Variants in IGSF21 observed in about 807,000 individuals in gnomAD.
IGSF21 encodes the protein immunoglobin superfamily member 21.
IGSF21 carries 28 observed loss-of-function variants against 46.8 expected under a neutral mutation model. The observed-to-expected ratio is 0.60, with a 90% confidence interval of 0.44 to 0.82. The LOEUF is 0.82. Among genes scored for constraint, IGSF21 ranks in the 40% least tolerant of loss-of-function variants. The pLI, the probability that IGSF21 is intolerant of heterozygous loss-of-function variation, is 0.00. For synonymous variants in IGSF21, 284 were observed against 273.6 expected (o/e 1.04, Z -0.38); for missense variants, 624 against 665.5 (o/e 0.94, Z 0.69).
At chr1:18,247,447 G>A (rs140497510) in intron 2 of IGSF21, among the ~76,000 whole-genome samples, 121 of 152,182 alleles carry the variant, frequency 8.0e-4, no homozygotes, top group African/African-American at 2.9e-3. Flanking sequence ...GCCATCCTTT[G>A]AGTGTGAGCT....
At chr1:18,275,770 C>T (rs534048738) in intron 2 of IGSF21, among the ~76,000 whole-genome samples, 123 of 152,086 alleles carry the variant, frequency 8.1e-4, no homozygotes, top group Non-Finnish European at 1.3e-3. Context: ...GATGGAAATG[C>T]GGCCAAAGTC....
intron 3 of IGSF21, among the ~76,000 whole-genome samples, chr1:18,316,788 C>T (rs556561833): frequency 6.6e-6 from 1 of 152,312 alleles, no homozygotes; most frequent in South Asian, 2.1e-4. Context: ...TCATAGGCAG[C>T]ACAGGGTTGC....
At chr1:18,262,484 G>A (rs989329019) in intron 2 of IGSF21, among the ~76,000 whole-genome samples, 7 of 152,124 alleles carry the variant, frequency 4.6e-5, no homozygotes, top group Non-Finnish European at 1.0e-4. Flanking sequence ...TTTCCTCATT[G>A]AAAAAATGGG....
intron 1 of IGSF21, among the ~76,000 whole-genome samples, chr1:18,160,219 C>T (rs1180942348): frequency 6.6e-6 from 1 of 152,342 alleles, no homozygotes. Flanking sequence ...AAAAGCCTCA[C>T]TGGTCTCACT....
In IGSF21 at chr1:18,334,934, C is replaced by T. The variant is rs891359724; in HGVS notation, c.348C>T (p.Cys116=). 3 of 1,614,174 alleles carry T rather than the reference C, an allele frequency of 1.9e-6. No individual in the cohort carries two copies. Among genetic ancestry groups the T allele is most frequent in the Admixed American group, 1.7e-5 (1 of 60,030 alleles). Residue 116 remains cysteine (C), a synonymous_variant, in exon 4 of 10, where the codon TGC becomes TGT. Transcript: ENST00000251296. The surrounding 1 kb of genome is among the most constrained non-coding windows in gnomAD (Gnocchi z 4.3). ...TCTCAGACAATGGTCCCTATGAGTG[C>T]CATGTGGGCATCTACGACCGCGCCA... The part of the protein sequence containing the change: ...VRISDNGPYE[C]HVGIYDRATR...
intron 1 of IGSF21, among the ~76,000 whole-genome samples, chr1:18,132,260 A>C (rs1308638752): frequency 1.3e-5 from 2 of 152,066 alleles, no homozygotes; most frequent in African/African-American, 4.8e-5. Flanking sequence ...GACCTATGAC[A>C]AACACACTGA....
At chr1:18,112,762 C>T (rs2086154659) in intron 1 of IGSF21, 1 of 152,252 alleles carries the variant, frequency 6.6e-6, no homozygotes, top group African/African-American at 2.4e-5. Context: ...TGTTCATCTG[C>T]ACAGATGGGA....
intron 3 of IGSF21, among the ~76,000 whole-genome samples, chr1:18,312,273 T>A (rs143044896): frequency 1.2e-4 from 19 of 152,280 alleles, no homozygotes; most frequent in Non-Finnish European, 2.4e-4. Flanking sequence ...AAAAATAGCA[T>A]CTACTGGCAG....
chr1:18,272,942 T>G (rs1286475437), intron 2 of IGSF21, among the ~76,000 whole-genome samples: 1 of 151,980 alleles, frequency 6.6e-6, no homozygotes, highest in East Asian at 1.9e-4. Context: ...GTCCACTTTA[T>G]GCTCAGGTGG....
chr1:18,131,035 G>A (rs1174548751), intron 1 of IGSF21, among the ~76,000 whole-genome samples: 1 of 152,234 alleles, frequency 6.6e-6, no homozygotes, highest in Non-Finnish European at 1.5e-5. Context: ...AGCCAGGCCC[G>A]AGGGAGCTGC....
intron 1 of IGSF21, among the ~76,000 whole-genome samples, chr1:18,226,657 G>A (rs2084570098): frequency 6.6e-6 from 1 of 152,182 alleles, no homozygotes; most frequent in Admixed American, 6.5e-5. Flanking sequence ...GTCGATTCTT[G>A]TTTTGTTTTG....
rs148804717 is a variant in IGSF21 at position 18,301,582 on chromosome 1, G to A, written c.305+9595G>A. 6.6e-5 allele frequency among the ~76,000 whole-genome samples: 10 copies of A among 152,238 alleles called. No homozygotes were observed. The East Asian group carries it at 1.9e-3, about 29-fold the overall frequency. ...TCTCGAACTCCTGACCTCAAGTGAT[G>A]CACCCGCCTTGGCCTCCAAAGTGCT... On this transcript the variant is annotated intron_variant, in intron 3 of 9. Transcript: ENST00000251296.
At chr1:18,268,758 C>A (rs1262381875) in intron 2 of IGSF21, among the ~76,000 whole-genome samples, 2 of 152,150 alleles carry the variant, frequency 1.3e-5, no homozygotes, top group Admixed American at 1.3e-4. Flanking sequence ...TAGTTGGTCT[C>A]CCTCCTGAAG....
intron 1 of IGSF21, among the ~76,000 whole-genome samples, chr1:18,137,535 G>A (rs1268261886): frequency 6.6e-6 from 1 of 152,170 alleles, no homozygotes; most frequent in Non-Finnish European, 1.5e-5. Context: ...AAGATCCCGT[G>A]GCTGGTGAGA....
intron 1 of IGSF21, among the ~76,000 whole-genome samples, chr1:18,168,190 G>A (rs1017507426): frequency 5.3e-5 from 8 of 152,174 alleles, no homozygotes; most frequent in East Asian, 3.9e-4. Context: ...CCCCCTCCTC[G>A]TCACTCTGCT....
At chr1:18,314,582 C>T (rs1480138377) in intron 3 of IGSF21, among the ~76,000 whole-genome samples, 2 of 152,184 alleles carry the variant, frequency 1.3e-5, no homozygotes, top group African/African-American at 4.8e-5. Flanking sequence ...CTCTCATGAT[C>T]CCTGCTTTGC....
intron 2 of IGSF21, chr1:18,278,924 C>T: frequency 2.1e-6 from 1 of 471,504 alleles, no homozygotes; most frequent in Non-Finnish European, 4.4e-6. Flanking sequence ...GATTTTTACA[C>T]TTTCCTGCAT....
At chr1:18,165,327 G>A (rs2086668213) in intron 1 of IGSF21, among the ~76,000 whole-genome samples, 1 of 152,170 alleles carries the variant, frequency 6.6e-6, no homozygotes, top group African/African-American at 2.4e-5. Context: ...TGGACTTGCG[G>A]ATGGTCACCT....
intron 1 of IGSF21, chr1:18,112,764 C>G (rs2086154699): frequency 6.6e-6 from 1 of 152,248 alleles, no homozygotes; most frequent in South Asian, 2.1e-4. Flanking sequence ...TTCATCTGCA[C>G]AGATGGGAGA....
Sources: allele counts gnomAD v4.1 joint callset (sites outside exome capture counted in the v4.1 genomes callset), GRCh38; gene constraint gnomAD v4.1.1; non-coding constraint Gnocchi (gnomAD v3.1); transcripts MANE v1.5; gene names NCBI Gene and HGNC (gene_info 2026-07-23, HGNC 2026-07-21).